SPOCK1: variants seen among roughly 807,000 people sequenced by gnomAD.
SPOCK1 encodes the protein testican-1.
A neutral mutation model predicts 55.3 loss-of-function variants in SPOCK1; 23 were observed. That is an observed-to-expected ratio of 0.42 (90% confidence interval 0.30 to 0.59). The LOEUF (loss-of-function observed/expected upper bound fraction) is 0.59, where lower values mean the gene tolerates loss of function less well. Among genes scored for constraint, SPOCK1 ranks in the 20% least tolerant of loss-of-function variants. The probability of loss-of-function intolerance (pLI) is 0.22; values close to 1 mark genes in which losing one functional copy is unlikely to be tolerated. For synonymous variants in SPOCK1, 226 were observed against 221.0 expected (o/e 1.02, Z -0.20); for missense variants, 499 against 552.5 (o/e 0.90, Z 0.97).
At chr5:137,132,019 T>TATATATAA (rs1311302324) in intron 4 of SPOCK1, among the ~76,000 whole-genome samples, 1 of 56,084 alleles carries the variant, frequency 1.8e-5, no homozygotes, top group African/African-American at 8.5e-5. Flanking sequence ...TATATATATA[T>TATATATAA]AAAAAATTAG....
intron 5 of SPOCK1, among the ~76,000 whole-genome samples, chr5:137,092,533 G>T (rs1039252891): frequency 6.6e-6 from 1 of 152,188 alleles, no homozygotes; most frequent in Non-Finnish European, 1.5e-5. Context: ...GAGGTCAGAC[G>T]TTCTCTTACT....
intron 6 of SPOCK1, among the ~76,000 whole-genome samples, chr5:137,066,987 C>CACACACAG (rs1343691789): frequency 1.4e-5 from 2 of 139,588 alleles, no homozygotes; most frequent in African/African-American, 5.3e-5. Context: ...CACACACACA[C>CACACACAG]AGAGAGAGAG....
intron 6 of SPOCK1, among the ~76,000 whole-genome samples, chr5:137,061,371 G>T (rs767535644): frequency 6.6e-6 from 1 of 152,142 alleles, no homozygotes; most frequent in Admixed American, 6.5e-5. Flanking sequence ...TTGGACAACC[G>T]TCTGTCAACC....
At chr5:137,173,415 G>C (rs1295838242) in intron 3 of SPOCK1, among the ~76,000 whole-genome samples, 1 of 152,022 alleles carries the variant, frequency 6.6e-6, no homozygotes, top group Non-Finnish European at 1.5e-5. Context: ...TCTGTTTCTT[G>C]CCACCAAGAT....
intron 2 of SPOCK1, among the ~76,000 whole-genome samples, chr5:137,345,756 T>C (rs1750542735): frequency 6.6e-6 from 1 of 152,142 alleles, no homozygotes; most frequent in African/African-American, 2.4e-5. Flanking sequence ...CACATTAAGG[T>C]TGAGGCCCCT....
At chr5:137,384,970 G>A (rs954467160) in intron 2 of SPOCK1, among the ~76,000 whole-genome samples, 6 of 152,122 alleles carry the variant, frequency 3.9e-5, no homozygotes, top group African/African-American at 1.4e-4. Flanking sequence ...GGGGGGCGGT[G>A]CATAATTCAG....
intron 3 of SPOCK1, among the ~76,000 whole-genome samples, chr5:137,154,367 G>A (rs1334130278): frequency 6.6e-6 from 1 of 152,180 alleles, no homozygotes. Context: ...TCTCTAAGGA[G>A]GTGACATTTA....
At chr5:137,186,660 C>T (rs966077523) in intron 3 of SPOCK1, among the ~76,000 whole-genome samples, 1 of 152,180 alleles carries the variant, frequency 6.6e-6, no homozygotes, top group African/African-American at 2.4e-5. Context: ...CCAAGTGGAG[C>T]CAAGACTTCC....
At chr5:137,346,817 T>A (rs2127158854) in intron 2 of SPOCK1, among the ~76,000 whole-genome samples, 1 of 152,324 alleles carries the variant, frequency 6.6e-6, no homozygotes, top group Non-Finnish European at 1.5e-5. Flanking sequence ...ACGTGAGCCC[T>A]GTCTTCAAAA....
chr5:137,146,625 T>C (rs1180692171), intron 3 of SPOCK1, among the ~76,000 whole-genome samples: 1 of 152,218 alleles, frequency 6.6e-6, no homozygotes, highest in Non-Finnish European at 1.5e-5. Flanking sequence ...TCTGTCCCCA[T>C]GGTAACCCGT....
chr5:137,329,641 A>T (rs2127150750), intron 2 of SPOCK1, among the ~76,000 whole-genome samples: 1 of 152,336 alleles, frequency 6.6e-6, no homozygotes, highest in Middle Eastern at 3.4e-3. Context: ...CGTGGGATGT[A>T]GTGGGGAGGG....
chr5:137,418,017 A>C (rs1295497746), intron 2 of SPOCK1, among the ~76,000 whole-genome samples: 1 of 151,770 alleles, frequency 6.6e-6, no homozygotes. Flanking sequence ...ATGTGTTCTC[A>C]TTGTTCAATT....
chr5:137,406,891 G>C (rs970578703), intron 2 of SPOCK1, among the ~76,000 whole-genome samples: 2 of 152,190 alleles, frequency 1.3e-5, no homozygotes, highest in African/African-American at 4.8e-5. Context: ...TGCTTCAATA[G>C]ACTAATATGA....
chr5:137,355,254 A>AC lies in SPOCK1; in HGVS notation c.187-88200dup, dbSNP rs1750767471. ...GTCATCCAGGCTGAAGTGCAGTGGC[A>AC]CTACCATGGCTCATGGCAACCTCAA... On this transcript the variant is annotated intron_variant, in intron 2 of 10. Transcript: ENST00000394945. 1.3e-5 allele frequency among the ~76,000 whole-genome samples: 2 copies of AC among 152,132 alleles called. 1 individual carries two copies. The highest frequency in any genetic ancestry group is 1.3e-4 in the Admixed American group (2 of 15,272).
intron 2 of SPOCK1, among the ~76,000 whole-genome samples, chr5:137,278,611 A>T (rs1011332977): frequency 1.3e-5 from 2 of 152,192 alleles, no homozygotes; most frequent in Non-Finnish European, 2.9e-5. Context: ...TGCGGGGTCA[A>T]GGAGTCCTGA....
At chr5:137,304,201 T>C (rs1396101915) in intron 2 of SPOCK1, among the ~76,000 whole-genome samples, 2 of 152,088 alleles carry the variant, frequency 1.3e-5, no homozygotes, top group Non-Finnish European at 2.9e-5. Flanking sequence ...AGTCAAAATT[T>C]TACATCCATA....
At chr5:137,257,507 C>T (rs1756660404) in intron 3 of SPOCK1, among the ~76,000 whole-genome samples, 1 of 152,168 alleles carries the variant, frequency 6.6e-6, no homozygotes, top group Admixed American at 6.5e-5. Context: ...CTCACCAGCA[C>T]CCAGTTATGC....
At chr5:137,345,510 G>T (rs1750537736) in intron 2 of SPOCK1, among the ~76,000 whole-genome samples, 1 of 152,214 alleles carries the variant, frequency 6.6e-6, no homozygotes, top group Non-Finnish European at 1.5e-5. Flanking sequence ...CTAGGGCTTG[G>T]TCAAAATACA....
chr5:137,053,919 A>C (rs934112313), intron 6 of SPOCK1, among the ~76,000 whole-genome samples: 1 of 152,198 alleles, frequency 6.6e-6, no homozygotes, highest in Admixed American at 6.5e-5. Context: ...TCCTCAAAGA[A>C]AACCAGAATC....
Sources: gnomAD v4.1 joint callset for allele counts (sites outside exome capture counted in the v4.1 genomes callset) on GRCh38, gnomAD v4.1.1 for gene constraint, MANE v1.5 for transcripts, NCBI Gene and HGNC (gene_info 2026-07-23, HGNC 2026-07-21) for gene names.